MKX: variants seen among roughly 807,000 people sequenced by gnomAD.
MKX encodes homeobox protein Mohawk.
MKX carries 13 observed loss-of-function variants against 36.0 expected under a neutral mutation model. That is an observed-to-expected ratio of 0.36 (90% confidence interval 0.24 to 0.57). MKX has a LOEUF of 0.57. Ranked by LOEUF, MKX falls within the 20% of genes least tolerant of loss-of-function variation. The pLI, the probability that MKX is intolerant of heterozygous loss-of-function variation, is 0.79. For missense variants in MKX, 458 were observed against 456.4 expected (o/e 1.00, Z -0.03); for synonymous variants, 176 against 178.3 (o/e 0.99, Z 0.10).
intron 5 of MKX, among the ~76,000 whole-genome samples, chr10:27,734,063 TTA>T (rs1290590833): frequency 6.6e-6 from 1 of 152,112 alleles, no homozygotes; most frequent in African/African-American, 2.4e-5. Context: ...CTATCCTCTA[TTA>T]TAAATTATTC....
chr10:27,725,545 G>A lies in MKX; in HGVS notation c.838+8911C>T, dbSNP rs111991505. Among the ~76,000 whole-genome samples the A allele has an allele frequency of 5.0e-3, 766 of 151,828 alleles. 5 individuals are homozygous for A. Among genetic ancestry groups the A allele is most frequent in the Middle Eastern group, 0.024 (7 of 294 alleles). On this transcript the variant is annotated intron_variant, in intron 5 of 6. Transcript: ENST00000419761. ...AAAGTACCAAAACTCTGGACTGGAA[G>A]AAAGCACATATTTACCCTGTGTAAA...
chr10:27,693,875 C>T (rs984239614), intron 5 of MKX, among the ~76,000 whole-genome samples: 3 of 152,080 alleles, frequency 2.0e-5, no homozygotes, highest in Non-Finnish European at 4.4e-5. Context: ...TCCCACAATT[C>T]CCATGTGCAG....
At chr10:27,698,248 A>G (rs114851259) in intron 5 of MKX, among the ~76,000 whole-genome samples, 1,982 of 152,300 alleles carry the variant, frequency 0.013, 32 homozygotes, top group African/African-American at 0.046. Context: ...CTGTGTGCCA[A>G]GATAAGGAAA....
At chr10:27,724,756 T>TACACAC (rs55968845) in intron 5 of MKX, among the ~76,000 whole-genome samples, 6,428 of 141,404 alleles carry the variant, frequency 0.045, 216 homozygotes, top group East Asian at 0.13. Flanking sequence ...TACTACTACC[T>TACACAC]ACACACACAC....
intron 5 of MKX, among the ~76,000 whole-genome samples, chr10:27,725,263 T>C (rs1237744313): frequency 6.6e-6 from 1 of 152,186 alleles, no homozygotes; most frequent in Non-Finnish European, 1.5e-5. Flanking sequence ...TCTATTTACT[T>C]CTTTAGTACA....
intron 5 of MKX, among the ~76,000 whole-genome samples, chr10:27,679,787 T>TACTA (rs1226029901): frequency 3.3e-5 from 5 of 152,232 alleles, no homozygotes; most frequent in African/African-American, 7.2e-5. Flanking sequence ...CTTCTCATTA[T>TACTA]ACTAACTGGT....
chr10:27,686,389 AAGGGAAAGGAAGGAAGGAAGG>A (rs200376168), intron 5 of MKX, among the ~76,000 whole-genome samples: 5,632 of 134,356 alleles, frequency 0.042, 321 homozygotes, highest in East Asian at 0.25. Flanking sequence ...AAGGGAAGGG[AAGGGAAAGGAAGGAAGGAAGG>A]AAGGAAGGAA....
At chr10:27,679,521 A>T (rs1836215070) in intron 5 of MKX, among the ~76,000 whole-genome samples, 1 of 152,184 alleles carries the variant, frequency 6.6e-6, no homozygotes, top group Non-Finnish European at 1.5e-5. Flanking sequence ...GGGTATTTTG[A>T]GTCCAAGTGC....
chr10:27,743,851 G>T (rs1462836073), intron 1 of MKX, among the ~76,000 whole-genome samples: 1 of 152,216 alleles, frequency 6.6e-6, no homozygotes, highest in Non-Finnish European at 1.5e-5. Flanking sequence ...TCCGGACTGC[G>T]GAGCGCGACC....
chr10:27,679,418 G>A (rs1218498777), intron 5 of MKX, among the ~76,000 whole-genome samples: 2 of 152,214 alleles, frequency 1.3e-5, no homozygotes, highest in Non-Finnish European at 2.9e-5. Context: ...GGCAGTCTCT[G>A]TGTTCAAAGT....
At chr10:27,698,652 T>C (rs1042143268) in intron 5 of MKX, among the ~76,000 whole-genome samples, 1 of 152,174 alleles carries the variant, frequency 6.6e-6, no homozygotes. Context: ...AGTGTTTGAT[T>C]TGGATGTGTT....
intron 5 of MKX, among the ~76,000 whole-genome samples, chr10:27,691,314 T>A (rs987908236): frequency 1.3e-5 from 2 of 152,136 alleles, no homozygotes; most frequent in Admixed American, 6.5e-5. Flanking sequence ...CCTCAGGTGT[T>A]CCGATGTTGA....
rs369946738 is a variant in MKX at position 27,727,057 on chromosome 10, C to G, written c.838+7399G>C. Among the ~76,000 whole-genome samples the G allele has an allele frequency of 7.2e-5, 11 of 152,194 alleles. No individual in the cohort carries two copies. The East Asian group carries it at 2.1e-3, about 29-fold the overall frequency. On this transcript the variant is annotated intron_variant, in intron 5 of 6. Coordinates refer to ENST00000419761, the MANE Select transcript of MKX (RefSeq NM_173576.3). ...AGTACCAAATGAAAGAGATAGGATG[C>G]GACTGCATTTCGGAAAACAATTTGC...
chr10:27,700,929 T>A (rs72629773), intron 5 of MKX, among the ~76,000 whole-genome samples: 3,829 of 152,246 alleles, frequency 0.025, 204 homozygotes, highest in East Asian at 0.2. Context: ...GTAATTTTTT[T>A]AAAAAATTTT....
chr10:27,741,617 C>A lies in MKX; in HGVS notation c.189-113G>T, dbSNP rs1052512862. Reference sequence around the variant, plus strand: ...ATCCAAACTGCGCATTCCTGCCTTGCGCCCCTGCTTTGCGCGCGCCCAGAG... The same window carrying A: ...ATCCAAACTGCGCATTCCTGCCTTGAGCCCCTGCTTTGCGCGCGCCCAGAG... On this transcript the variant is annotated intron_variant, in intron 2 of 6. Coordinates refer to ENST00000419761, the MANE Select transcript of MKX (RefSeq NM_173576.3). This position sits in a 1 kb window ranked among gnomAD's most constrained non-coding sequence, Gnocchi z 5.1. 1.6e-6 allele frequency: 2 copies of A among 1,271,718 alleles called. No homozygotes were observed. The highest frequency in any genetic ancestry group is 1.5e-5 in the African/African-American group (1 of 66,236). 78.8% of individuals were successfully genotyped at this position (1,271,718 alleles called of 1,614,324 possible). A position where few individuals can be genotyped will look rare whatever the true frequency, so the allele number is the denominator to read the frequency against.
chr10:27,734,717 T>G lies in MKX; in HGVS notation c.577A>C (p.Ser193Arg). 6.2e-7 allele frequency: 1 copy of G among 1,614,172 alleles called. No individual in the cohort carries two copies. Among genetic ancestry groups the G allele is most frequent in the Non-Finnish European group, 8.5e-7 (1 of 1,180,032 alleles). The change falls in exon 5 of 7, where the codon AGT (serine) becomes CGT (arginine). Residue 193 changes from serine (S) to arginine (R), a missense_variant. This residue lies in a region of MKX where 297 missense variants were observed against 304.4 expected (regional missense o/e 0.98). Transcript: ENST00000419761. ...CCCGCTTTGATGACCGAATTCTCAC[T>G]TTTAATCACAGGATGGTGAACTGGG... Reference protein sequence around the residue: ...NTPVHHPVIKSENSVIKAGVR... With the variant: ...NTPVHHPVIKRENSVIKAGVR...
intron 5 of MKX, among the ~76,000 whole-genome samples, chr10:27,718,952 G>C (rs534292680): frequency 5.6e-4 from 85 of 152,176 alleles, no homozygotes; most frequent in Non-Finnish European, 1.0e-3. Context: ...AACTTTGAAT[G>C]TGTGCAAATT....
intron 3 of MKX, among the ~76,000 whole-genome samples, chr10:27,739,749 T>C (rs183464826): frequency 1.3e-5 from 2 of 152,328 alleles, no homozygotes; most frequent in Non-Finnish European, 2.9e-5. Context: ...CTCTATTAAA[T>C]ATGAAGCTCT....
chr10:27,701,948 A>C (rs1303499214), intron 5 of MKX, among the ~76,000 whole-genome samples: 2 of 151,960 alleles, frequency 1.3e-5, no homozygotes, highest in African/African-American at 4.8e-5. Flanking sequence ...CTTTCCTTTA[A>C]GGTCAGTAAG....
Sources: gnomAD v4.1 joint callset for allele counts (sites outside exome capture counted in the v4.1 genomes callset) on GRCh38, gnomAD v4.1.1 for gene constraint, gnomAD v4.1.1 regional missense constraint, Gnocchi (gnomAD v3.1) non-coding constraint, MANE v1.5 for transcripts, NCBI Gene and HGNC (gene_info 2026-07-23, HGNC 2026-07-21) for gene names.